Variants in DOCK1 observed in about 807,000 individuals in gnomAD.
DOCK1 encodes dedicator of cytokinesis protein 1.
A neutral mutation model predicts 262.7 loss-of-function variants in DOCK1; 138 were observed. The ratio of observed to expected loss-of-function variants is 0.53; its 90% CI spans 0.46 to 0.61. The LOEUF is 0.61. Ranked by LOEUF, DOCK1 falls within the 20% of genes least tolerant of loss-of-function variation. The pLI is 0.00. For missense variants in DOCK1, 1,908 were observed against 2,370.7 expected, an observed-to-expected ratio of 0.80 and a Z score of 4.05; for synonymous variants, 866 against 867.4, an observed-to-expected ratio of 1.00 and a Z score of 0.03.
intron 13 of DOCK1, among the ~76,000 whole-genome samples, chr10:127,020,253 T>G (rs1391896822): frequency 2.0e-5 from 3 of 152,238 alleles, no homozygotes; most frequent in Non-Finnish European, 4.4e-5. Context: ...TATTTGCATT[T>G]GAGATACAGA....
intron 22 of DOCK1, among the ~76,000 whole-genome samples, chr10:127,058,041 A>G (rs1306365999): frequency 1.3e-5 from 2 of 152,090 alleles, no homozygotes; most frequent in East Asian, 1.9e-4. Context: ...TCCCTGGTTT[A>G]TCTGGGAAAA....
intron 1 of DOCK1, among the ~76,000 whole-genome samples, chr10:126,916,296 T>C (rs2032485802): frequency 6.6e-6 from 1 of 152,258 alleles, no homozygotes; most frequent in African/African-American, 2.4e-5. Context: ...TAAACTATTA[T>C]ACAGTCAATA....
Position 127,425,857 on chromosome 10 carries a change from A to G in DOCK1, c.4777-17A>G, listed in dbSNP as rs747935143. On this transcript the variant is annotated splice_polypyrimidine_tract_variant and intron_variant, in intron 46 of 51. Transcript: ENST00000623213. ...ATTATCCAAGAAATAAGGAATGTCA[A>G]CCTCTCTGTTTTCCAGATTCCTTTT... 2 of 1,613,742 alleles carry G rather than the reference A, an allele frequency of 1.2e-6. No homozygotes were observed. The highest frequency in any genetic ancestry group is 2.2e-5 in the East Asian group (1 of 44,892).
At chr10:127,061,929 C>CTTTTTTT (rs562310710) in intron 23 of DOCK1, among the ~76,000 whole-genome samples, 153 bp downstream of exon 23, 3 of 71,786 alleles carry the variant, frequency 4.2e-5, no homozygotes, top group Non-Finnish European at 7.1e-5. Context: ...AAGAGCTGTG[C>CTTTTTTT]TTTTTTTTTT....
intron 2 of DOCK1, among the ~76,000 whole-genome samples, chr10:126,975,732 C>T (rs2038481245): frequency 6.6e-6 from 1 of 150,710 alleles, no homozygotes; most frequent in African/African-American, 2.4e-5. Context: ...TCAGGTGATT[C>T]TCAGCTTCCC....
chr10:127,379,680 A>C (rs1240361581), intron 35 of DOCK1, among the ~76,000 whole-genome samples: 12 of 152,254 alleles, frequency 7.9e-5, no homozygotes, highest in Admixed American at 7.8e-4. Context: ...AAAGCTTTAA[A>C]TCATGTTGAT....
At chr10:127,268,901 C>T (rs2060468175) in intron 29 of DOCK1, among the ~76,000 whole-genome samples, 1 of 152,122 alleles carries the variant, frequency 6.6e-6, no homozygotes, top group South Asian at 2.1e-4. Flanking sequence ...TTAGCAAGAG[C>T]CTGTTCTCAG....
chr10:127,220,931 A>C (rs999892872), intron 27 of DOCK1, among the ~76,000 whole-genome samples: 2 of 152,212 alleles, frequency 1.3e-5, no homozygotes, highest in African/African-American at 4.8e-5. Context: ...CGATGCTTTC[A>C]GCATCCTCAG....
intron 12 of DOCK1, among the ~76,000 whole-genome samples, chr10:127,017,153 AC>A (rs1415958407): frequency 8.1e-6 from 1 of 123,114 alleles, no homozygotes; most frequent in African/African-American, 3.0e-5. Context: ...AGATACAGAC[AC>A]CACAAACACA....
rs188244323 is a variant in DOCK1 at position 127,290,130 on chromosome 10, T to A, written c.3044+32701T>A. Reference sequence around the variant, plus strand: ...TCTGTTTCCGTGGATGTGTTTCTGTTGAGTTTTTTGGGAAGAAGTCAGTCT... The same window carrying A: ...TCTGTTTCCGTGGATGTGTTTCTGTAGAGTTTTTTGGGAAGAAGTCAGTCT... On this transcript the variant is annotated intron_variant, in intron 29 of 51. Transcript: ENST00000623213. Among the ~76,000 whole-genome samples the A allele has an allele frequency of 1.8e-3, 277 of 152,240 alleles. 1 individual carries two copies. The highest frequency in any genetic ancestry group is 6.3e-3 in the African/African-American group (262 of 41,546).
intron 28 of DOCK1, among the ~76,000 whole-genome samples, chr10:127,248,360 C>T (rs1216105797): frequency 1.3e-5 from 2 of 152,134 alleles, no homozygotes; most frequent in African/African-American, 2.4e-5. Context: ...AATCTCTTGT[C>T]TTTCTTGGTG....
At chr10:127,136,469 T>C (rs1189484179) in intron 27 of DOCK1, 12 of 138,258 alleles carry the variant, frequency 8.7e-5, no homozygotes, top group Admixed American at 8.6e-4. Context: ...ATTCAAAATT[T>C]AAGTTGTACA....
chr10:127,351,442 A>T (rs894618510), intron 31 of DOCK1, among the ~76,000 whole-genome samples: 7 of 152,112 alleles, frequency 4.6e-5, no homozygotes, highest in African/African-American at 1.7e-4. Flanking sequence ...ACTTTGAAAG[A>T]TGTGACGCTG....
chr10:127,163,361 C>T (rs557032354), intron 27 of DOCK1, among the ~76,000 whole-genome samples: 4 of 152,028 alleles, frequency 2.6e-5, no homozygotes, highest in East Asian at 1.9e-4. Context: ...TGGAGTATAC[C>T]GGGAGCTGTA....
At chr10:127,136,478 C>CA (rs71831153) in intron 27 of DOCK1, 2,739 of 67,050 alleles carry the variant, frequency 0.041, 25 homozygotes, top group African/African-American at 0.069. Flanking sequence ...TTAAGTTGTA[C>CA]AAAAAAAAAA....
At chr10:127,202,850 G>T (rs540977829) in intron 27 of DOCK1, among the ~76,000 whole-genome samples, 3 of 152,318 alleles carry the variant, frequency 2.0e-5, no homozygotes, top group South Asian at 4.1e-4. Flanking sequence ...GTGGAGCCTG[G>T]ATTCAAATCC....
intron 1 of DOCK1, among the ~76,000 whole-genome samples, chr10:126,970,238 A>G (rs910169096): frequency 5.9e-5 from 9 of 152,186 alleles, no homozygotes; most frequent in African/African-American, 2.2e-4. Context: ...TATCATTGTC[A>G]GTTTTAAGGA....
intron 29 of DOCK1, among the ~76,000 whole-genome samples, chr10:127,284,059 G>A (rs1423893032): frequency 6.6e-6 from 1 of 152,172 alleles, no homozygotes; most frequent in Admixed American, 6.5e-5. Context: ...CATGTCTTCA[G>A]TGATTTGCAA....
intron 29 of DOCK1, among the ~76,000 whole-genome samples, chr10:127,317,118 A>G (rs2062318703): frequency 6.6e-6 from 1 of 152,178 alleles, no homozygotes; most frequent in African/African-American, 2.4e-5. Context: ...GACCCACAGT[A>G]TGTATTTCAG....
Sources: gnomAD v4.1 joint callset for allele counts (sites outside exome capture counted in the v4.1 genomes callset) on GRCh38, gnomAD v4.1.1 for gene constraint, MANE v1.5 for transcripts, NCBI Gene and HGNC (gene_info 2026-07-23, HGNC 2026-07-21) for gene names.